The following NUMA1 variants were observed in gnomAD, a reference collection of about 807,000 sequenced individuals.
NUMA1 encodes the protein nuclear mitotic apparatus protein 1, also known as SP-H antigen.
NUMA1 carries 62 observed loss-of-function variants against 237.1 expected under a neutral mutation model. That is an observed-to-expected ratio of 0.26 (90% CI 0.21 to 0.32). NUMA1 has a LOEUF of 0.32. Among genes scored for constraint, NUMA1 ranks in the 10% least tolerant of loss-of-function variants. The pLI is 1.00. For synonymous variants in NUMA1, 1,028 were observed against 1,066.1 expected, an observed-to-expected ratio of 0.96 and a Z score of 0.70; for missense variants, 2,533 against 2,666.5, an observed-to-expected ratio of 0.95 and a Z score of 1.10.
intron 2 of NUMA1, among the ~76,000 whole-genome samples, chr11:72,040,445 T>TACATACACACACAC (rs1941528300): frequency 7.3e-6 from 1 of 136,470 alleles, no homozygotes; most frequent in African/African-American, 2.8e-5. Flanking sequence ...CGCGTACACA[T>TACATACACACACAC]ACACACACAC....
At chr11:72,051,547 T>C (rs1439373777) in intron 2 of NUMA1, among the ~76,000 whole-genome samples, 6 of 150,786 alleles carry the variant, frequency 4.0e-5, no homozygotes, top group African/African-American at 7.3e-5. Context: ...CTCAGCTCAC[T>C]GCAACCTCCA....
chr11:72,038,384 G>A (rs1258564656), intron 2 of NUMA1, among the ~76,000 whole-genome samples: 4 of 152,118 alleles, frequency 2.6e-5, no homozygotes, highest in Admixed American at 2.0e-4. Flanking sequence ...ACAGAAATAC[G>A]AGGAACCCAA....
intron 1 of NUMA1, among the ~76,000 whole-genome samples, chr11:72,077,585 C>T (rs1943768539): frequency 1.3e-5 from 2 of 151,954 alleles, no homozygotes; most frequent in African/African-American, 2.4e-5. Context: ...GAGGCCGAGG[C>T]GGGAGGATCA....
chr11:72,021,185 G>C lies in NUMA1; in HGVS notation c.460+19C>G. On this transcript the variant is annotated intron_variant, in intron 8 of 26. Coordinates refer to ENST00000393695, the MANE Select transcript of NUMA1 (RefSeq NM_006185.4). ...CATTTCAGAGATGAGGGGATTCTCA[G>C]GAGTGTGTACCTACTTACCTTTCTG... 6.3e-7 allele frequency: 1 copy of C among 1,583,642 alleles called. No homozygotes were observed. Among genetic ancestry groups the C allele is most frequent in the Non-Finnish European group, 8.7e-7 (1 of 1,152,198 alleles).
intron 3 of NUMA1, among the ~76,000 whole-genome samples, chr11:72,031,661 G>A (rs1052392456): frequency 2.0e-5 from 3 of 151,836 alleles, no homozygotes; most frequent in African/African-American, 7.3e-5. Flanking sequence ...ATTTTTAGCT[G>A]GGTGAGGTGG....
At chr11:72,005,965 CTT>C (rs1955657113) in intron 22 of NUMA1, 68 bp downstream of exon 22, 5 of 1,309,850 alleles carry the variant, frequency 3.8e-6, no homozygotes, top group East Asian at 2.3e-5. Context: ...AAGCTTTCCT[CTT>C]TTCCCTGTGC....
intron 7 of NUMA1, 37 bp downstream of exon 7, chr11:72,022,302 T>G: frequency 7.0e-7 from 1 of 1,425,964 alleles, no homozygotes; most frequent in Non-Finnish European, 9.9e-7. Context: ...AAGCATGGGC[T>G]AGGCCTGCTA....
At chr11:72,078,803 T>C (rs768445544) in intron 1 of NUMA1, among the ~76,000 whole-genome samples, 4 of 152,366 alleles carry the variant, frequency 2.6e-5, no homozygotes, top group Admixed American at 2.0e-4. Flanking sequence ...TAAACCCATC[T>C]GTGCTGACAG....
At chr11:72,063,404 C>T (rs1565289257) in intron 2 of NUMA1, among the ~76,000 whole-genome samples, 1 of 151,370 alleles carries the variant, frequency 6.6e-6, no homozygotes. Context: ...AACAAAGAAA[C>T]AAAAATGTTC....
At chr11:72,059,224 G>A (rs1942820298) in intron 2 of NUMA1, among the ~76,000 whole-genome samples, 1 of 151,992 alleles carries the variant, frequency 6.6e-6, no homozygotes, top group South Asian at 2.1e-4. Flanking sequence ...CCCTTTTCAT[G>A]TAAAAATTTA....
chr11:72,028,804 CCTTT>C (rs1457189417), intron 4 of NUMA1, among the ~76,000 whole-genome samples: 5 of 152,276 alleles, frequency 3.3e-5, no homozygotes, highest in African/African-American at 1.2e-4. Flanking sequence ...GAGAGCTTCC[CCTTT>C]CTTCCCTCAG....
intron 2 of NUMA1, among the ~76,000 whole-genome samples, chr11:72,043,711 T>C (rs1256152676): frequency 6.6e-6 from 1 of 152,016 alleles, no homozygotes; most frequent in East Asian, 1.9e-4. Flanking sequence ...ACTATAGAGG[T>C]CACAATCATT....
intron 2 of NUMA1, among the ~76,000 whole-genome samples, chr11:72,039,330 G>C (rs988963864): frequency 1.3e-5 from 2 of 152,240 alleles, no homozygotes; most frequent in African/African-American, 4.8e-5. Flanking sequence ...AAAGGCCAGA[G>C]GGTCTGAGCT....
Position 72,005,332 on chromosome 11 carries a change from C to T in NUMA1, c.5730G>A (p.Glu1910=). The T allele has an allele frequency of 6.2e-7, 1 of 1,608,130 alleles. No homozygotes were observed. Among genetic ancestry groups the T allele is most frequent in the Non-Finnish European group, 8.5e-7 (1 of 1,177,458 alleles). ...NSFYMGTCQD[E]PEQLDDWNRI... ...GGTTCCAGTCATCCAGCTGCTCAGG[C>T]TCATCCTGGCAAGTGCCCATGTAGA... Residue 1910 remains glutamate, a synonymous_variant, in exon 23 of 27, where the codon GAG becomes GAA. Transcript: ENST00000393695.
chr11:72,080,431 C>T (rs1477533064), intron 1 of NUMA1, 27 bp downstream of exon 1: 2 of 152,204 alleles, frequency 1.3e-5, no homozygotes, highest in African/African-American at 4.8e-5. Flanking sequence ...CCAGGCCGCA[C>T]GCCAAACGCG....
chr11:72,067,846 T>C (rs1565293255), intron 2 of NUMA1: 1 of 152,364 alleles, frequency 6.6e-6, no homozygotes, highest in East Asian at 1.9e-4. Context: ...CCAGGCTGTC[T>C]AACACCTCAT....
intron 4 of NUMA1, chr11:72,024,676 T>C: frequency 3.0e-6 from 1 of 329,896 alleles, no homozygotes; most frequent in Non-Finnish European, 5.8e-6. Context: ...CGGGAAGCTA[T>C]ATTACACCAT....
Position 72,003,115 on chromosome 11 carries a change from G to A in NUMA1, c.*412C>T, listed in dbSNP as rs544315689. 2 of 265,816 alleles carry A rather than the reference G, an allele frequency of 7.5e-6. No homozygotes were observed. Among genetic ancestry groups the A allele is most frequent in the East Asian group, 1.1e-4 (2 of 17,700 alleles). The allele number at this position is 265,816 out of a possible 1,614,324, so 16.5% of individuals were successfully genotyped here. A position where few individuals can be genotyped will look rare whatever the true frequency, so the allele number is the denominator to read the frequency against. The stretch of plus-strand genomic sequence containing the variant: ...CCCAGTCCTGGACTTCAAGAGTGAG[G>A]GCCCCTGCTGGGCCCAGCCACCAGG... On this transcript the variant is annotated 3_prime_UTR_variant, in exon 27 of 27. Transcript: ENST00000393695.
At position 72,078,952 on chromosome 11, in the gene NUMA1, T is replaced by C. The variant is rs546127272; in HGVS notation, c.-103+1506A>G. 2.6e-5 allele frequency among the ~76,000 whole-genome samples: 4 copies of C among 152,252 alleles called. No homozygotes were observed. In the South Asian group the frequency reaches 6.2e-4, roughly 24 times the overall value. On this transcript the variant is annotated intron_variant, in intron 1 of 26. Transcript: ENST00000393695. ...CAGACAACCCAGAAGTTTGGAAACATAGAACCAGGCAACAGATACTAGAGA... is the reference window on the plus strand; with the variant it reads ...CAGACAACCCAGAAGTTTGGAAACACAGAACCAGGCAACAGATACTAGAGA...
Sources: allele counts gnomAD v4.1 joint callset (sites outside exome capture counted in the v4.1 genomes callset), GRCh38; gene constraint gnomAD v4.1.1; transcripts MANE v1.5; gene names NCBI Gene and HGNC (gene_info 2026-07-23, HGNC 2026-07-21).